YPEL2: variants seen among roughly 807,000 people sequenced by gnomAD.
The protein encoded by YPEL2 is yippee like 2.
Under a neutral mutation model 19.1 loss-of-function variants are expected in YPEL2, and 2 were observed. The ratio of observed to expected loss-of-function variants is 0.10; its 90% CI spans 0.04 to 0.33. The LOEUF is 0.33. YPEL2 is among the 10% of genes least tolerant of loss of function. The pLI is 1.00. For missense variants in YPEL2, 66 were observed against 140.7 expected (o/e 0.47, Z 2.68); for synonymous variants, 52 against 50.0 (o/e 1.04, Z -0.17).
intron 2 of YPEL2, among the ~76,000 whole-genome samples, chr17:59,377,914 A>G (rs2047930147): frequency 6.6e-6 from 1 of 152,194 alleles, no homozygotes; most frequent in Non-Finnish European, 1.5e-5. Context: ...GCTTTTTATG[A>G]GCCACATTTG....
chr17:59,351,530 T>C (rs1236175362), intron 1 of YPEL2, among the ~76,000 whole-genome samples: 2 of 152,046 alleles, frequency 1.3e-5, no homozygotes, highest in Non-Finnish European at 2.9e-5. Flanking sequence ...CTACCCAGAG[T>C]GTGCCCAGGG....
At chr17:59,382,907 T>C (rs2047956948) in intron 2 of YPEL2, among the ~76,000 whole-genome samples, 1 of 152,170 alleles carries the variant, frequency 6.6e-6, no homozygotes, top group Admixed American at 6.5e-5. Flanking sequence ...CCTCCCAAAG[T>C]GCTGGGATTA....
intron 4 of YPEL2, among the ~76,000 whole-genome samples, chr17:59,392,568 T>TGGTGTGATCTCGGCTTACTGCAAC (rs2048013056): frequency 7.1e-6 from 1 of 140,314 alleles, no homozygotes. Flanking sequence ...TGGAGTGCAA[T>TGGTGTGATCTCGGCTTACTGCAAC]GGTGTGATCT....
rs192979731 is a variant in YPEL2 at position 59,341,141 on chromosome 17, A to G, written c.-196+9317A>G. Among the ~76,000 whole-genome samples the G allele has an allele frequency of 4.3e-3, 634 of 147,852 alleles. 5 individuals carry two copies. Among genetic ancestry groups the G allele is most frequent in the Middle Eastern group, 6.9e-3 (2 of 288 alleles). Reference sequence around the variant, plus strand: ...GGTGTTCCAGACCAGCCTGGCCAACATGGCGAAACCCCTGTAATCCCAGCA... The same window carrying G: ...GGTGTTCCAGACCAGCCTGGCCAACGTGGCGAAACCCCTGTAATCCCAGCA... On this transcript the variant is annotated intron_variant, in intron 1 of 4. Coordinates refer to ENST00000312655, the MANE Select transcript of YPEL2 (RefSeq NM_001005404.4).
intron 2 of YPEL2, among the ~76,000 whole-genome samples, chr17:59,378,478 G>A (rs2047933370): frequency 6.6e-6 from 1 of 151,900 alleles, no homozygotes; most frequent in African/African-American, 2.4e-5. Flanking sequence ...CCAAGTAGCT[G>A]GGATTACAAG....
chr17:59,396,060 G>A (rs1158727246), intron 4 of YPEL2, among the ~76,000 whole-genome samples: 1 of 152,092 alleles, frequency 6.6e-6, no homozygotes, highest in South Asian at 2.1e-4. Flanking sequence ...CAGCCTGGGC[G>A]ACTGAGCAAG....
intron 1 of YPEL2, among the ~76,000 whole-genome samples, chr17:59,336,705 C>G (rs570218177): frequency 3.7e-4 from 57 of 152,308 alleles, no homozygotes; most frequent in African/African-American, 1.3e-3. Flanking sequence ...GTGGATTCCC[C>G]TCTCTCTGGC....
At chr17:59,382,575 C>A (rs1205900064) in intron 2 of YPEL2, among the ~76,000 whole-genome samples, 5 of 152,014 alleles carry the variant, frequency 3.3e-5, no homozygotes, top group Admixed American at 2.0e-4. Flanking sequence ...TGTGTGCTGC[C>A]ATGTAATATG....
At chr17:59,383,297 T>G (rs1404550288) in intron 2 of YPEL2, among the ~76,000 whole-genome samples, 1 of 151,790 alleles carries the variant, frequency 6.6e-6, no homozygotes, top group Non-Finnish European at 1.5e-5. Context: ...AGTCTTACAG[T>G]CTTATAAATA....
In YPEL2 at chr17:59,398,452, T is replaced by C. The variant is rs1333575466; in HGVS notation, c.*1262T>C. On this transcript the variant is annotated 3_prime_UTR_variant, in exon 5 of 5. Coordinates refer to ENST00000312655, the MANE Select transcript of YPEL2 (RefSeq NM_001005404.4). Reference sequence around the variant, plus strand: ...CCCACTTAGGCCTGAATGTCTTGCATGGAGAGAAATCTCCTGTCAGTGTGG... The same window carrying C: ...CCCACTTAGGCCTGAATGTCTTGCACGGAGAGAAATCTCCTGTCAGTGTGG... 6.6e-6 allele frequency: 1 copy of C among 152,196 alleles called. No homozygotes were observed. The highest frequency in any genetic ancestry group is 1.5e-5 in the Non-Finnish European group (1 of 68,048). 9.4% of individuals were successfully genotyped at this position (152,196 alleles called of 1,614,324 possible).
chr17:59,346,833 C>T (rs2047758626), intron 1 of YPEL2, among the ~76,000 whole-genome samples: 1 of 152,006 alleles, frequency 6.6e-6, no homozygotes, highest in Non-Finnish European at 1.5e-5. Flanking sequence ...AAGTAAGGGC[C>T]TTGTGAGGAG....
chr17:59,390,221 C>G (rs1358380101), intron 4 of YPEL2, among the ~76,000 whole-genome samples: 1 of 152,238 alleles, frequency 6.6e-6, no homozygotes, highest in East Asian at 1.9e-4. Context: ...GGGCTGGTCT[C>G]GAACTCCTGA....
intron 4 of YPEL2, among the ~76,000 whole-genome samples, chr17:59,394,560 C>T (rs2048028185): frequency 6.6e-6 from 1 of 151,624 alleles, no homozygotes; most frequent in African/African-American, 2.4e-5. Flanking sequence ...TCCTCACTTC[C>T]TAGATGGGAT....
At chr17:59,370,253 C>T (rs1217054930) in intron 2 of YPEL2, among the ~76,000 whole-genome samples, 2 of 152,058 alleles carry the variant, frequency 1.3e-5, no homozygotes, top group African/African-American at 4.8e-5. Context: ...TTAGTAGAGA[C>T]GGGGTTTCAC....
chr17:59,383,205 A>G (rs542056051), intron 2 of YPEL2, among the ~76,000 whole-genome samples: 10 of 152,242 alleles, frequency 6.6e-5, no homozygotes, highest in African/African-American at 2.2e-4. Context: ...ATTTACATAC[A>G]GTAAAATTCA....
intron 2 of YPEL2, among the ~76,000 whole-genome samples, chr17:59,383,982 A>G (rs964353680): frequency 2.0e-5 from 3 of 152,084 alleles, no homozygotes; most frequent in African/African-American, 7.2e-5. Context: ...ACACTCTCAT[A>G]TAGGTTTTTG....
intron 2 of YPEL2, among the ~76,000 whole-genome samples, chr17:59,380,014 C>A (rs1483806845): frequency 6.6e-6 from 1 of 151,846 alleles, no homozygotes; most frequent in Non-Finnish European, 1.5e-5. Context: ...GCATGCATCA[C>A]CACGCCCAGC....
At chr17:59,376,407 C>CGG (rs1488044452) in intron 2 of YPEL2, among the ~76,000 whole-genome samples, 1 of 152,114 alleles carries the variant, frequency 6.6e-6, no homozygotes, top group Non-Finnish European at 1.5e-5. Context: ...TTGATAGAGA[C>CGG]GGGGTTTCAC....
At chr17:59,382,381 C>T (rs1316550495) in intron 2 of YPEL2, among the ~76,000 whole-genome samples, 2 of 108,526 alleles carry the variant, frequency 1.8e-5, no homozygotes, top group Admixed American at 9.3e-5. Flanking sequence ...CCATCCTCCA[C>T]CCCGCCTCTC....
Sources: gnomAD v4.1 joint callset for allele counts (sites outside exome capture counted in the v4.1 genomes callset) on GRCh38, gnomAD v4.1.1 for gene constraint, MANE v1.5 for transcripts, NCBI Gene and HGNC (gene_info 2026-07-23, HGNC 2026-07-21) for gene names.